PSMD7: variants seen among roughly 807,000 people sequenced by gnomAD.
The protein encoded by PSMD7 is 26S proteasome non-ATPase regulatory subunit 7.
PSMD7 carries 13 observed loss-of-function variants against 36.4 expected under a neutral mutation model. The observed-to-expected ratio is 0.36, with a 90% confidence interval of 0.23 to 0.57. The LOEUF (loss-of-function observed/expected upper bound fraction) is 0.57, where lower values mean the gene tolerates loss of function less well. Among genes scored for constraint, PSMD7 ranks in the 20% least tolerant of loss-of-function variants. The probability of loss-of-function intolerance (pLI) is 0.83; values close to 1 mark genes in which losing one functional copy is unlikely to be tolerated. For synonymous variants in PSMD7, 186 were observed against 151.0 expected (o/e 1.23, Z -1.70); for missense variants, 298 against 393.6 (o/e 0.76, Z 2.06).
At chr16:74,304,169 C>T (rs1287345189) in intron 5 of PSMD7, 134 bp from the exon 6 acceptor site, 7 of 727,912 alleles carry the variant, frequency 9.6e-6, no homozygotes, top group African/African-American at 5.3e-5. Flanking sequence ...CTTACCCACC[C>T]TTGCCATAGA....
At chr16:74,300,374 A>ATT in intron 2 of PSMD7, 168 bp downstream of exon 2, 1 of 640,966 alleles carries the variant, frequency 1.6e-6, no homozygotes, top group Non-Finnish European at 2.7e-6. Flanking sequence ...GACAGTAAAT[A>ATT]TTTTAAACTT....
chr16:74,302,160 C>T (rs1181601346), intron 4 of PSMD7, 52 bp from the exon 5 acceptor site: 31 of 1,393,220 alleles, frequency 2.2e-5, no homozygotes, highest in Non-Finnish European at 3.0e-5. Context: ...CCTGAAATTA[C>T]CCCTTTTGTG....
At chr16:74,302,431 A>C in intron 5 of PSMD7, 139 bp downstream of exon 5, 1 of 684,316 alleles carries the variant, frequency 1.5e-6, no homozygotes, top group African/African-American at 1.8e-5. Flanking sequence ...GACTTTTTTA[A>C]TCACCACATT....
At position 74,301,550 on chromosome 16, in the gene PSMD7, C is replaced by A; in HGVS notation, c.260-5C>A. The A allele has an allele frequency of 6.2e-7, 1 of 1,604,166 alleles. No individual in the cohort carries two copies. Among genetic ancestry groups the A allele is most frequent in the South Asian group, 1.1e-5 (1 of 90,464 alleles). Reference sequence around the variant, plus strand: ...TTAAAGCCTGCTAATTTTTTTCCTTCCTAGCCAGGGAAAGAATAGTTGGCT... The same window carrying A: ...TTAAAGCCTGCTAATTTTTTTCCTTACTAGCCAGGGAAAGAATAGTTGGCT... On this transcript the variant is annotated splice_region_variant and splice_polypyrimidine_tract_variant and intron_variant, in intron 3 of 6. Transcript: ENST00000219313.
At chr16:74,300,248 G>A (rs1337331372) in intron 2 of PSMD7, 42 bp downstream of exon 2, 1 of 1,533,264 alleles carries the variant, frequency 6.5e-7, no homozygotes, top group Non-Finnish European at 9.0e-7. Context: ...TGATTAAAAT[G>A]TCAGTTTACC....
At chr16:74,301,719 C>A in intron 4 of PSMD7, 67 bp downstream of exon 4, 1 of 1,323,856 alleles carries the variant, frequency 7.6e-7, no homozygotes, top group Non-Finnish European at 1.1e-6. Flanking sequence ...GTAAGAGCAT[C>A]CTGGGAAGAA....
chr16:74,301,270 G>A, intron 3 of PSMD7, 126 bp downstream of exon 3: 1 of 690,998 alleles, frequency 1.4e-6, no homozygotes, highest in Non-Finnish European at 2.4e-6. Context: ...ACTAGTGGTA[G>A]TAGAGGAATA....
chr16:74,304,260 G>A (rs1011044906), intron 5 of PSMD7, 43 bp from the exon 6 acceptor site: 15 of 1,566,642 alleles, frequency 9.6e-6, no homozygotes, highest in Middle Eastern at 1.7e-4. Flanking sequence ...ATGTCAGTTC[G>A]TTTGTGGAAA....
intron 4 of PSMD7, among the ~76,000 whole-genome samples, chr16:74,301,987 T>G (rs1182704842): frequency 6.6e-6 from 1 of 152,182 alleles, no homozygotes; most frequent in Non-Finnish European, 1.5e-5. Context: ...GACTCTAATG[T>G]CCTTGTGCTA....
At chr16:74,301,402 G>T (rs980291352) in intron 3 of PSMD7, among the ~76,000 whole-genome samples, 153 bp from the exon 4 acceptor site, 2 of 152,190 alleles carry the variant, frequency 1.3e-5, no homozygotes, top group African/African-American at 4.8e-5. Context: ...AGTAAAGTCA[G>T]TCTTCCATTA....
chr16:74,305,458 T>G lies in PSMD7; in HGVS notation c.700T>G (p.Phe234Val). 2 of 1,614,148 alleles carry G rather than the reference T, an allele frequency of 1.2e-6. No homozygotes were observed. Among genetic ancestry groups the G allele is most frequent in the Non-Finnish European group, 1.7e-6 (2 of 1,180,014 alleles). Residue 234 changes from phenylalanine (F) to valine (V), a missense_variant, in exon 7 of 7, where the codon TTC becomes GTC. Transcript: ENST00000219313. ...GATCATCTACCAGCTGCAGGACGTC[T>G]TCAACCTGCTGCCAGATGTCAGCCT... Reference protein sequence around the residue: ...HQIIYQLQDVFNLLPDVSLQE... With the variant: ...HQIIYQLQDVVNLLPDVSLQE...
chr16:74,304,243 G>T, intron 5 of PSMD7, 60 bp from the exon 6 acceptor site: 1 of 1,490,796 alleles, frequency 6.7e-7, no homozygotes, highest in Non-Finnish European at 9.3e-7. Context: ...GGTGCGAAAA[G>T]GAACACATGT....
intron 5 of PSMD7, 141 bp downstream of exon 5, chr16:74,302,433 C>A: frequency 1.5e-6 from 1 of 679,718 alleles, no homozygotes. Flanking sequence ...CTTTTTTAAT[C>A]ACCACATTTT....
chr16:74,297,333 C>A (rs752258107), intron 1 of PSMD7, among the ~76,000 whole-genome samples: 1 of 152,186 alleles, frequency 6.6e-6, no homozygotes, highest in South Asian at 2.1e-4. Flanking sequence ...TGGCCCTGAC[C>A]CCCGCCCCCA....
chr16:74,299,438 C>G, intron 1 of PSMD7: 3 of 374,158 alleles, frequency 8.0e-6, no homozygotes, highest in Non-Finnish European at 1.7e-5. Context: ...AGCACAATCT[C>G]AGCTCACTGT....
rs1189239431 is a variant in PSMD7 at position 74,305,790 on chromosome 16, G to T, written c.*57G>T. On this transcript the variant is annotated 3_prime_UTR_variant, in exon 7 of 7. Transcript: ENST00000219313. The stretch of plus-strand genomic sequence containing the variant: ...AATTAAAATCTTACAAACTAAATCA[G>T]TGTGCTGCTAGAGGGTTCTTTTTCA... The T allele has an allele frequency of 3.6e-6, 5 of 1,400,566 alleles. No homozygotes were observed. The highest frequency in any genetic ancestry group is 5.1e-5 in the East Asian group (2 of 39,010). The allele number at this position is 1,400,566 out of a possible 1,614,324, so 86.8% of individuals were successfully genotyped here. A position where few individuals can be genotyped will look rare whatever the true frequency, so the allele number is the denominator to read the frequency against.
At chr16:74,298,502 ACTATTTT>A (rs2034131694) in intron 1 of PSMD7, among the ~76,000 whole-genome samples, 1 of 152,226 alleles carries the variant, frequency 6.6e-6, no homozygotes, top group Non-Finnish European at 1.5e-5. Context: ...GAGAGGAATT[ACTATTTT>A]TCTCCCATGG....
In PSMD7 at chr16:74,305,293, A is replaced by G; in HGVS notation, c.535A>G (p.Ile179Val). ...TTTAACTGTGGGTTATTACAGAGAT[A>G]TCAAAGACACGACGGTGGGCACTCT... ...EVGVEHLLRDIKDTTVGTLSQ... is the reference protein window; with the variant it reads ...EVGVEHLLRDVKDTTVGTLSQ... The change falls in exon 7 of 7, where the codon ATC becomes GTC. Residue 179 changes from isoleucine (I) to valine (V), a missense_variant. Physicochemically the swap from Ile to Val is conservative, Grantham distance 29. Transcript: ENST00000219313. 6.2e-7 allele frequency: 1 copy of G among 1,608,010 alleles called. No homozygotes were observed. Among genetic ancestry groups the G allele is most frequent in the Non-Finnish European group, 8.5e-7 (1 of 1,176,692 alleles).
In PSMD7 at chr16:74,302,241, G is replaced by A; in HGVS notation, c.387G>A (p.Lys129=). 1 of 1,614,084 alleles carries A rather than the reference G, an allele frequency of 6.2e-7. No individual in the cohort carries two copies. The highest frequency in any genetic ancestry group is 1.1e-5 in the South Asian group (1 of 91,064). The change falls in exon 5 of 7, where the codon AAG becomes AAA. Residue 129 remains lysine, a synonymous_variant. Coordinates refer to ENST00000219313, the MANE Select transcript of PSMD7 (RefSeq NM_002811.5). ...SVLVIIDVKP[K]DLGLPTEAYI... is the part of the protein sequence containing the mutation. ...TGGTCATCATTGATGTGAAGCCGAA[G>A]GACCTAGGGCTGCCTACAGAAGCGT...
Sources: allele counts gnomAD v4.1 joint callset (sites outside exome capture counted in the v4.1 genomes callset), GRCh38; gene constraint gnomAD v4.1.1; transcripts MANE v1.5; gene names NCBI Gene and HGNC (gene_info 2026-07-23, HGNC 2026-07-21).